SNTG1: variants seen among roughly 807,000 people sequenced by gnomAD.
The protein encoded by SNTG1 is syntrophin gamma 1.
SNTG1 carries 39 observed loss-of-function variants against 74.7 expected under a neutral mutation model. The observed-to-expected ratio is 0.52, with a 90% confidence interval of 0.40 to 0.68. The LOEUF (loss-of-function observed/expected upper bound fraction) is 0.68. SNTG1 is among the 30% of genes least tolerant of loss of function. The probability of loss-of-function intolerance (pLI) is 0.00; values close to 1 mark genes in which losing one functional copy is unlikely to be tolerated. For missense variants in SNTG1, 685 were observed against 609.5 expected (o/e 1.12, Z -1.30); for synonymous variants, 254 against 217.1 (o/e 1.17, Z -1.49).
At chr8:50,555,018 C>CT (rs1443638488) in intron 12 of SNTG1, among the ~76,000 whole-genome samples, 1 of 152,066 alleles carries the variant, frequency 6.6e-6, no homozygotes, top group Non-Finnish European at 1.5e-5. Flanking sequence ...GAATGCTGTG[C>CT]TTCAGCTGAC....
At chr8:50,751,722 C>T (rs976456100) in intron 17 of SNTG1, among the ~76,000 whole-genome samples, 4 of 151,924 alleles carry the variant, frequency 2.6e-5, no homozygotes, top group Non-Finnish European at 5.9e-5. Context: ...ACATACAGTG[C>T]TTATTGACTG....
At chr8:50,374,004 A>G (rs955627401) in intron 2 of SNTG1, among the ~76,000 whole-genome samples, 1 of 151,994 alleles carries the variant, frequency 6.6e-6, no homozygotes, top group African/African-American at 2.4e-5. Context: ...ATTTTTTTTT[A>G]TGGATTTAAA....
chr8:50,705,307 A>G (rs2095439762), intron 16 of SNTG1, among the ~76,000 whole-genome samples: 1 of 152,210 alleles, frequency 6.6e-6, no homozygotes, highest in African/African-American at 2.4e-5. Flanking sequence ...TTTGAACACA[A>G]TATAATGTAC....
chr8:50,247,831 T>C (rs1221572810), intron 2 of SNTG1, among the ~76,000 whole-genome samples: 1 of 151,808 alleles, frequency 6.6e-6, no homozygotes, highest in East Asian at 1.9e-4. Flanking sequence ...GTCCCATGGG[T>C]TTTTCATAAT....
intron 18 of SNTG1, among the ~76,000 whole-genome samples, chr8:50,767,769 G>A (rs975886908): frequency 6.6e-6 from 1 of 151,610 alleles, no homozygotes; most frequent in Admixed American, 6.6e-5. Flanking sequence ...TTTCTTTACT[G>A]CCTCTAATAT....
At chr8:50,037,995 C>A (rs1343953908) in intron 1 of SNTG1, among the ~76,000 whole-genome samples, 3 of 152,116 alleles carry the variant, frequency 2.0e-5, no homozygotes, top group East Asian at 1.9e-4. Flanking sequence ...TCCTTGCCCT[C>A]GCTTTTAATT....
chr8:50,711,244 T>C (rs2131559443), intron 17 of SNTG1, among the ~76,000 whole-genome samples: 1 of 152,310 alleles, frequency 6.6e-6, no homozygotes, highest in East Asian at 1.9e-4. Context: ...TAATATCTAG[T>C]TATTTTCTAT....
intron 17 of SNTG1, among the ~76,000 whole-genome samples, chr8:50,734,638 ATC>A (rs2095521144): frequency 6.8e-6 from 1 of 147,846 alleles, no homozygotes; most frequent in Admixed American, 6.8e-5. Flanking sequence ...TCGCTCTCTC[ATC>A]TCTTTCTCTG....
intron 8 of SNTG1, among the ~76,000 whole-genome samples, chr8:50,473,267 T>C (rs891928176): frequency 6.6e-6 from 1 of 152,176 alleles, no homozygotes; most frequent in African/African-American, 2.4e-5. Context: ...TGCTACCTTA[T>C]GAAGAAGATG....
At chr8:50,781,968 T>C (rs911118855) in intron 18 of SNTG1, among the ~76,000 whole-genome samples, 4 of 152,294 alleles carry the variant, frequency 2.6e-5, no homozygotes, top group African/African-American at 9.6e-5. Context: ...TTATGAAGCT[T>C]AGTTTGGCTG....
intron 15 of SNTG1, among the ~76,000 whole-genome samples, chr8:50,695,053 G>T (rs908094764): frequency 1.3e-5 from 2 of 151,680 alleles, no homozygotes; most frequent in Admixed American, 6.6e-5. Flanking sequence ...ATCACCACTC[G>T]TATTCATTAT....
chr8:50,162,501 G>T (rs1344390116), intron 1 of SNTG1, among the ~76,000 whole-genome samples: 2 of 148,258 alleles, frequency 1.3e-5, no homozygotes, highest in Non-Finnish European at 3.0e-5. Context: ...GGTGGAGCTT[G>T]CAGTGAGCCG....
At chr8:50,208,120 T>C (rs976619538) in intron 2 of SNTG1, among the ~76,000 whole-genome samples, 10 of 152,194 alleles carry the variant, frequency 6.6e-5, no homozygotes, top group African/African-American at 1.7e-4. Flanking sequence ...CTGGATATCC[T>C]TCTTAACTTT....
At position 50,353,168 on chromosome 8, in the gene SNTG1, C is replaced by A. The variant is rs545578037; in HGVS notation, c.-27-41044C>A. 2.7e-5 allele frequency among the ~76,000 whole-genome samples: 4 copies of A among 149,318 alleles called. No homozygotes were observed. In the Admixed American group the frequency reaches 2.7e-4, roughly 10 times the overall value. ...ACTATCGCAAGGACAAAAAACCAAACGCCAGATGTTCTCACTCATGGGTGG... is the reference window on the plus strand; with the variant it reads ...ACTATCGCAAGGACAAAAAACCAAAAGCCAGATGTTCTCACTCATGGGTGG... On this transcript the variant is annotated intron_variant, in intron 2 of 18. Coordinates refer to ENST00000642720, the MANE Select transcript of SNTG1 (RefSeq NM_018967.5).
chr8:50,298,634 A>G (rs2089500524), intron 2 of SNTG1, among the ~76,000 whole-genome samples: 1 of 152,180 alleles, frequency 6.6e-6, no homozygotes, highest in South Asian at 2.1e-4. Flanking sequence ...TACATTTAAT[A>G]AAGATGAATA....
intron 2 of SNTG1, among the ~76,000 whole-genome samples, chr8:50,355,343 T>G (rs1451900994): frequency 6.6e-6 from 1 of 152,168 alleles, no homozygotes; most frequent in African/African-American, 2.4e-5. Context: ...TTCTAATTTA[T>G]GATATACTAT....
At chr8:50,153,870 C>T (rs1342140371) in intron 1 of SNTG1, among the ~76,000 whole-genome samples, 1 of 152,174 alleles carries the variant, frequency 6.6e-6, no homozygotes, top group Non-Finnish European at 1.5e-5. Context: ...CTTGAGGAGG[C>T]AGTCTGTCTG....
At chr8:50,155,370 G>A (rs575999751) in intron 1 of SNTG1, among the ~76,000 whole-genome samples, 1 of 151,852 alleles carries the variant, frequency 6.6e-6, no homozygotes, top group Non-Finnish European at 1.5e-5. Context: ...GATATCCACA[G>A]TAAACAAAAA....
chr8:50,774,446 C>T (rs28692782), intron 18 of SNTG1, among the ~76,000 whole-genome samples: 5,559 of 151,574 alleles, frequency 0.037, 275 homozygotes, highest in African/African-American at 0.1. Context: ...GGTAATAGAA[C>T]GGCACATTTA....
Sources: gnomAD v4.1 joint callset for allele counts (sites outside exome capture counted in the v4.1 genomes callset) on GRCh38, gnomAD v4.1.1 for gene constraint, MANE v1.5 for transcripts, NCBI Gene and HGNC (gene_info 2026-07-23, HGNC 2026-07-21) for gene names.